The following TRIOBP variants were observed in gnomAD, a reference collection of about 807,000 sequenced individuals.
TRIOBP encodes TRIO and F-actin-binding protein.
Under a neutral mutation model 238.8 loss-of-function variants are expected in TRIOBP, and 169 were observed. The ratio of observed to expected loss-of-function variants is 0.71; its 90% CI spans 0.62 to 0.80. The LOEUF is 0.80. Ranked by LOEUF, TRIOBP falls within the 30% of genes least tolerant of loss-of-function variation. The pLI is 0.00. For synonymous variants in TRIOBP, 1,150 were observed against 1,274.4 expected (o/e 0.90, Z 2.08); for missense variants, 2,838 against 3,122.6 (o/e 0.91, Z 2.17).
chr22:37,757,881 C>T lies in TRIOBP; in HGVS notation c.5956C>T (p.Arg1986Trp), dbSNP rs369398642. ...ERDLAQRSEE[R>W]RKWFEATDSR... ...GGACCTGGCCCAGCGCTCCGAGGAGCGGCGCAAGTGGTTTGAGGCCACAGA... is the reference window on the plus strand; with the variant it reads ...GGACCTGGCCCAGCGCTCCGAGGAGTGGCGCAAGTGGTTTGAGGCCACAGA... The change falls in exon 16 of 24, where the codon CGG becomes TGG. Residue 1986 changes from arginine (R) to tryptophan (W), a missense_variant. Physicochemically the swap from Arg to Trp is moderately radical, Grantham distance 101. Around this residue, in one of 5 missense-constraint regions of TRIOBP, gnomAD observed 2,096 missense variants for 2,137.4 expected, o/e 0.98. Coordinates refer to ENST00000644935, the MANE Select transcript of TRIOBP (RefSeq NM_001039141.3). The T allele has an allele frequency of 6.4e-6, 10 of 1,552,936 alleles. No individual in the cohort carries two copies. The highest frequency in any genetic ancestry group is 1.7e-4 in the Middle Eastern group (1 of 5,866).
At chr22:37,771,823 CT>C in intron 22 of TRIOBP, 87 bp downstream of exon 22, 1 of 1,182,972 alleles carries the variant, frequency 8.5e-7, no homozygotes, top group South Asian at 1.3e-5. Flanking sequence ...GTGCCAAGCC[CT>C]CCACTCGCTT....
chr22:37,734,277 C>T (rs1364839017), intron 8 of TRIOBP, 122 bp from the exon 9 acceptor site: 11 of 944,216 alleles, frequency 1.2e-5, no homozygotes, highest in Middle Eastern at 2.2e-4. Flanking sequence ...TACTTTTTGG[C>T]CTGCTTTGAT....
chr22:37,753,713 G>A (rs1925753243), intron 12 of TRIOBP, among the ~76,000 whole-genome samples: 1 of 152,238 alleles, frequency 6.6e-6, no homozygotes, highest in Non-Finnish European at 1.5e-5. Context: ...GAGGCAATGT[G>A]GAAAGAAGCA....
At chr22:37,748,748 G>T (rs1426950450) in intron 11 of TRIOBP, among the ~76,000 whole-genome samples, 2 of 152,172 alleles carry the variant, frequency 1.3e-5, no homozygotes, top group Admixed American at 1.3e-4. Context: ...TCTGAGAGGG[G>T]CCATGGGAGG....
At position 37,757,672 on chromosome 22, in the gene TRIOBP, T is replaced by G. The variant is rs767016480; in HGVS notation, c.5747T>G (p.Leu1916Arg). The G allele has an allele frequency of 6.3e-7, 1 of 1,590,904 alleles. No individual in the cohort carries two copies. The highest frequency in any genetic ancestry group is 1.1e-5 in the South Asian group (1 of 87,820). ...LHSYSTQKGP[L>R]KAGEQRAGSE... ...AGCTACAGCACCCAGAAGGGCCCCC[T>G]GAAGGCAGGGGAGCAGCGGGCGGGC... Residue 1916 changes from leucine to arginine, a missense_variant, in exon 16 of 24, where the codon CTG becomes CGG. Leu to Arg is a moderately radical substitution (Grantham distance 102). Around this residue, in one of 5 missense-constraint regions of TRIOBP, gnomAD observed 2,096 missense variants for 2,137.4 expected, o/e 0.98. Coordinates refer to ENST00000644935, the MANE Select transcript of TRIOBP (RefSeq NM_001039141.3).
intron 7 of TRIOBP, among the ~76,000 whole-genome samples, chr22:37,729,529 C>A (rs2413482): frequency 0.36 from 54,430 of 152,054 alleles, 10,848 homozygotes; most frequent in East Asian, 0.6. Flanking sequence ...GTCAATTTTC[C>A]TAACTTTGTC....
At chr22:37,727,223 C>T (rs1924216410) in intron 7 of TRIOBP, among the ~76,000 whole-genome samples, 1 of 149,352 alleles carries the variant, frequency 6.7e-6, no homozygotes, top group Non-Finnish European at 1.5e-5. Flanking sequence ...TGAGAGTGAA[C>T]TCTCAAACCC....
At position 37,725,784 on chromosome 22, in the gene TRIOBP, C is replaced by T; in HGVS notation, c.3228C>T (p.Pro1076=). ...GAGATGCCCCCCGGGCGTCCTCGCC[C>T]CCCCGCCACACCCAATTTGACCCCT... ...GHRDAPRASS[P]PRHTQFDPFP... The change falls in exon 7 of 24, where the codon CCC becomes CCT. Residue 1076 remains proline (P), a synonymous_variant. Transcript: ENST00000644935. 6.2e-7 allele frequency: 1 copy of T among 1,606,956 alleles called. No homozygotes were observed. Among genetic ancestry groups the T allele is most frequent in the Non-Finnish European group, 8.5e-7 (1 of 1,175,848 alleles).
At chr22:37,739,186 G>A (rs552561063) in intron 10 of TRIOBP, among the ~76,000 whole-genome samples, 18 of 152,176 alleles carry the variant, frequency 1.2e-4, no homozygotes, top group Admixed American at 2.0e-4. Context: ...TGGGACCCAC[G>A]GATGCTGCTC....
chr22:37,706,301 G>A (rs769624064), intron 3 of TRIOBP, among the ~76,000 whole-genome samples: 3 of 152,128 alleles, frequency 2.0e-5, no homozygotes, highest in South Asian at 2.1e-4. Context: ...GGAGGCCTGC[G>A]AGTCTTCAGG....
At chr22:37,731,349 C>T (rs530574915) in intron 7 of TRIOBP, among the ~76,000 whole-genome samples, 20 of 152,068 alleles carry the variant, frequency 1.3e-4, no homozygotes, top group African/African-American at 4.6e-4. Flanking sequence ...ATTCTGTTGC[C>T]AGGGCTGTCT....
intron 2 of TRIOBP, among the ~76,000 whole-genome samples, chr22:37,701,100 C>T (rs1460722082): frequency 6.6e-6 from 1 of 152,192 alleles, no homozygotes; most frequent in African/African-American, 2.4e-5. Context: ...CAAATGCTGG[C>T]AGAGTGCCTG....
chr22:37,718,241 G>A (rs990188863), intron 6 of TRIOBP, among the ~76,000 whole-genome samples: 1 of 152,226 alleles, frequency 6.6e-6, no homozygotes, highest in Non-Finnish European at 1.5e-5. Context: ...CTCCGTGCAA[G>A]CTGAGGGAGC....
chr22:37,709,927 C>T (rs1291728930), intron 3 of TRIOBP, among the ~76,000 whole-genome samples: 1 of 152,246 alleles, frequency 6.6e-6, no homozygotes. Flanking sequence ...CTGCCTCTTC[C>T]TCCCTCAGAC....
At chr22:37,704,448 A>G (rs1302851222) in intron 3 of TRIOBP, among the ~76,000 whole-genome samples, 5 of 141,914 alleles carry the variant, frequency 3.5e-5, no homozygotes, top group Non-Finnish European at 6.1e-5. Flanking sequence ...AGTACAGAAA[A>G]CAGGGAGAAG....
At chr22:37,706,592 A>G (rs1268391700) in intron 3 of TRIOBP, among the ~76,000 whole-genome samples, 1 of 151,920 alleles carries the variant, frequency 6.6e-6, no homozygotes, top group Non-Finnish European at 1.5e-5. Flanking sequence ...GGAGTTTAAG[A>G]CCAGCCTAGT....
At position 37,734,938 on chromosome 22, in the gene TRIOBP, C is replaced by G; in HGVS notation, c.4602C>G (p.Pro1534=). ...CACAATCCTGGCACTCTGGGACACC[C>G]ACTGCTGTGGGCTGGGGGGCAGAGG... is the stretch of plus-strand genomic sequence containing the variant. ...ESSQSWHSGT[P]TAVGWGAEGA... The change falls in exon 9 of 24, where the codon CCC becomes CCG. Residue 1534 remains proline, a synonymous_variant. Coordinates refer to ENST00000644935, the MANE Select transcript of TRIOBP (RefSeq NM_001039141.3). 1 of 1,613,412 alleles carries G rather than the reference C, an allele frequency of 6.2e-7. No homozygotes were observed. Among genetic ancestry groups the G allele is most frequent in the Non-Finnish European group, 8.5e-7 (1 of 1,180,004 alleles).
At chr22:37,755,773 C>A in intron 15 of TRIOBP, 114 bp downstream of exon 15, 2 of 840,930 alleles carry the variant, frequency 2.4e-6, no homozygotes, top group South Asian at 1.4e-5. Flanking sequence ...GTTTCTCTGT[C>A]AACAACATGG....
intron 9 of TRIOBP, among the ~76,000 whole-genome samples, chr22:37,737,762 T>C (rs1480744256): frequency 6.6e-6 from 1 of 152,030 alleles, no homozygotes; most frequent in Admixed American, 6.6e-5. Context: ...CTGCAGGGCC[T>C]GTGAGCACAT....
Sources: allele counts gnomAD v4.1 joint callset (sites outside exome capture counted in the v4.1 genomes callset), GRCh38; gene constraint gnomAD v4.1.1; regional missense constraint gnomAD v4.1.1; transcripts MANE v1.5; gene names NCBI Gene and HGNC (gene_info 2026-07-23, HGNC 2026-07-21).